The following PPIG variants were observed in gnomAD, a reference collection of about 807,000 sequenced individuals.
PPIG encodes peptidylprolyl isomerase G, also known as peptidyl-prolyl cis-trans isomerase G.
Under a neutral mutation model 87.9 loss-of-function variants are expected in PPIG, and 26 were observed. The ratio of observed to expected loss-of-function variants is 0.30; its 90% confidence interval spans 0.22 to 0.41. The LOEUF is 0.41. Ranked by LOEUF, PPIG falls within the 10% of genes least tolerant of loss-of-function variation. PPIG has a pLI of 1.00. For synonymous variants in PPIG, 308 were observed against 276.5 expected, an observed-to-expected ratio of 1.11 and a Z score of -1.13; for missense variants, 722 against 879.4, an observed-to-expected ratio of 0.82 and a Z score of 2.26.
chr2:169,585,463 G>T (rs1488001832), intron 1 of PPIG, among the ~76,000 whole-genome samples: 3 of 151,760 alleles, frequency 2.0e-5, no homozygotes, highest in Non-Finnish European at 4.4e-5. Flanking sequence ...GGTTTTCACC[G>T]TGTTAGCCAG....
chr2:169,608,870 CAGG>C lies in PPIG; in HGVS notation c.377+115_377+117del, dbSNP rs1459152694. 8.3e-6 allele frequency: 5 copies of C among 601,202 alleles called. No homozygotes were observed. In the African/African-American group the frequency reaches 9.6e-5, roughly 12 times the overall value. 37.2% of individuals were successfully genotyped at this position (601,202 alleles called of 1,614,324 possible). The stretch of plus-strand genomic sequence containing the variant: ...GGCTGAGGCGGGCGGATCACGAGGT[CAGG>C]AGATCGAGACCATCCTGGCTAACAC... On this transcript the variant is annotated intron_variant, in intron 7 of 13. Coordinates refer to ENST00000260970, the MANE Select transcript of PPIG (RefSeq NM_004792.3).
rs781174307 is a variant in PPIG at position 169,623,567 on chromosome 2, G to C, written c.548-7207G>C. On this transcript the variant is annotated intron_variant, in intron 9 of 13. Transcript: ENST00000260970. ...AGGAGGCAGATTGCCTGACAATACA[G>C]AACAAATAGCACAATAGAGGAAGCA... 2.0e-5 allele frequency among the ~76,000 whole-genome samples: 3 copies of C among 152,292 alleles called. No individual in the cohort carries two copies. In the South Asian group the frequency reaches 6.2e-4, roughly 32 times the overall value.
At chr2:169,616,593 C>T (rs1685615007) in intron 9 of PPIG, among the ~76,000 whole-genome samples, 1 of 152,142 alleles carries the variant, frequency 6.6e-6, no homozygotes. Flanking sequence ...CTCTAATGAC[C>T]AGTGATGATG....
intron 9 of PPIG, among the ~76,000 whole-genome samples, chr2:169,622,606 G>A (rs1413242101): frequency 6.6e-6 from 1 of 152,136 alleles, no homozygotes; most frequent in Non-Finnish European, 1.5e-5. Context: ...ATATGTATCT[G>A]CCCAGGAGTT....
At chr2:169,587,927 G>A (rs972012872) in intron 1 of PPIG, among the ~76,000 whole-genome samples, 3 of 152,130 alleles carry the variant, frequency 2.0e-5, no homozygotes, top group African/African-American at 7.2e-5. Context: ...AGGCCGAGGC[G>A]GGTGGATCAC....
At chr2:169,631,399 C>A in intron 10 of PPIG, 1 of 293,916 alleles carries the variant, frequency 3.4e-6, no homozygotes, top group Non-Finnish European at 6.0e-6. Context: ...TTGAAATAAT[C>A]TGTGTTTGTA....
intron 7 of PPIG, among the ~76,000 whole-genome samples, chr2:169,610,808 A>G (rs966964648): frequency 3.3e-5 from 5 of 152,206 alleles, no homozygotes. Context: ...TATAGAGATC[A>G]TTCTTATTCT....
At chr2:169,589,283 G>A (rs1684795201) in intron 1 of PPIG, among the ~76,000 whole-genome samples, 1 of 152,118 alleles carries the variant, frequency 6.6e-6, no homozygotes, top group Non-Finnish European at 1.5e-5. Flanking sequence ...TCAGTGGAAG[G>A]GACACTACAT....
At chr2:169,599,390 CT>C (rs1452885654) in intron 1 of PPIG, among the ~76,000 whole-genome samples, 1 of 151,654 alleles carries the variant, frequency 6.6e-6, no homozygotes, top group African/African-American at 2.4e-5. Context: ...AGCTTATTTT[CT>C]TAGGCAGTCC....
intron 1 of PPIG, among the ~76,000 whole-genome samples, chr2:169,589,718 C>A (rs751024130): frequency 6.6e-6 from 1 of 151,902 alleles, no homozygotes; most frequent in Non-Finnish European, 1.5e-5. Context: ...GGAATGGGTT[C>A]TGTTTCAGTT....
In PPIG at chr2:169,640,023, A is replaced by G. The variant is rs966660433; in HGVS notation, c.*2500A>G. On this transcript the variant is annotated 3_prime_UTR_variant, in exon 14 of 14. Transcript: ENST00000260970. Reference sequence around the variant, plus strand: ...AATTTTTTCAATATGTAGAATTTTCATGGTTATTTTGTATGAATTATTTTT... The same window carrying G: ...AATTTTTTCAATATGTAGAATTTTCGTGGTTATTTTGTATGAATTATTTTT... 5 of 152,158 alleles carry G rather than the reference A, an allele frequency of 3.3e-5. No homozygotes were observed. The highest frequency in any genetic ancestry group is 7.4e-5 in the Non-Finnish European group (5 of 68,012). 9.4% of individuals were successfully genotyped at this position (152,158 alleles called of 1,614,324 possible). A position where few individuals can be genotyped will look rare whatever the true frequency, so the allele number is the denominator to read the frequency against.
intron 1 of PPIG, chr2:169,585,016 C>T (rs569983153): frequency 2.0e-4 from 32 of 159,924 alleles, no homozygotes; most frequent in Non-Finnish European, 3.4e-4. Flanking sequence ...GACTAGCTTT[C>T]CTCCTCTTTC....
At chr2:169,594,706 T>A (rs1023225867) in intron 1 of PPIG, among the ~76,000 whole-genome samples, 10 of 142,494 alleles carry the variant, frequency 7.0e-5, no homozygotes, top group Admixed American at 3.6e-4. Context: ...CTCACTGCAA[T>A]CTCCACCTCC....
In PPIG at chr2:169,608,684, T is replaced by C. The variant is rs1685403341; in HGVS notation, c.303T>C (p.Ala101=). 6.2e-7 allele frequency: 1 copy of C among 1,609,186 alleles called. No homozygotes were observed. The highest frequency in any genetic ancestry group is 1.3e-5 in the African/African-American group (1 of 74,822). ...ACTTCTCTATAGACGAGAGTTTCGC[T>C]GTTAAACACAACAAAGAATTTCTCT... ...YGGFFEDESF[A]VKHNKEFLLS... is the part of the protein sequence containing the mutation. Residue 101 remains alanine (A), a synonymous_variant, in exon 7 of 14, where the codon GCT becomes GCC. Coordinates refer to ENST00000260970, the MANE Select transcript of PPIG (RefSeq NM_004792.3).
rs191365606 is a variant in PPIG, at chr2:169,629,237, A to G, written c.548-1537A>G. Among the ~76,000 whole-genome samples the G allele has an allele frequency of 5.9e-3, 905 of 152,286 alleles. 4 individuals carry two copies. The highest frequency in any genetic ancestry group is 0.011 in the Non-Finnish European group (724 of 68,012). On this transcript the variant is annotated intron_variant, in intron 9 of 13. Coordinates refer to ENST00000260970, the MANE Select transcript of PPIG (RefSeq NM_004792.3). ...ATTTATGGCCAATCTTGTTTTACCC[A>G]TCACTAGCCACTTTTCCCTTTCCTA... is the stretch of plus-strand genomic sequence containing the variant.
chr2:169,596,635 C>T (rs537402799), intron 1 of PPIG, among the ~76,000 whole-genome samples: 1 of 152,324 alleles, frequency 6.6e-6, no homozygotes, highest in African/African-American at 2.4e-5. Context: ...CAGGAGTCAC[C>T]TAATGCAGCA....
At chr2:169,598,482 G>C (rs143233047) in intron 1 of PPIG, among the ~76,000 whole-genome samples, 1 of 151,922 alleles carries the variant, frequency 6.6e-6, no homozygotes, top group Non-Finnish European at 1.5e-5. Flanking sequence ...TAGGGGAGAC[G>C]GGGTTTCACC....
At chr2:169,631,450 A>G in intron 10 of PPIG, 1 of 546,182 alleles carries the variant, frequency 1.8e-6, no homozygotes, top group South Asian at 3.4e-5. Context: ...AAATGCAGTT[A>G]ATTTCTTTAC....
At chr2:169,634,917 T>C (rs569774975) in intron 12 of PPIG, among the ~76,000 whole-genome samples, 69 of 152,340 alleles carry the variant, frequency 4.5e-4, no homozygotes, top group African/African-American at 1.6e-3. Flanking sequence ...TGGTGTGGGT[T>C]ATATCTATCA....
Sources: gnomAD v4.1 joint callset for allele counts (sites outside exome capture counted in the v4.1 genomes callset) on GRCh38, gnomAD v4.1.1 for gene constraint, MANE v1.5 for transcripts, NCBI Gene and HGNC (gene_info 2026-07-23, HGNC 2026-07-21) for gene names.